Variants in ZC3H13 observed in about 807,000 individuals in gnomAD.
ZC3H13 encodes the protein zinc finger CCCH domain-containing protein 13.
Under a neutral mutation model 204.1 loss-of-function variants are expected in ZC3H13, and 64 were observed. The observed-to-expected ratio is 0.31, with a 90% CI of 0.26 to 0.39. The LOEUF (loss-of-function observed/expected upper bound fraction) is 0.39, where lower values mean the gene tolerates loss of function less well. Ranked by LOEUF, ZC3H13 falls within the 10% of genes least tolerant of loss-of-function variation. The pLI is 1.00. For missense variants in ZC3H13, 1,833 were observed against 2,082.7 expected (o/e 0.88, Z 2.33); for synonymous variants, 667 against 693.7 (o/e 0.96, Z 0.60).
intron 5 of ZC3H13, among the ~76,000 whole-genome samples, chr13:46,016,292 C>T (rs567358885): frequency 1.3e-4 from 20 of 152,122 alleles, no homozygotes; most frequent in African/African-American, 4.6e-4. Context: ...GTAATAGCAC[C>T]TTATTATGCA....
In ZC3H13 at chr13:46,052,435, C is replaced by G. The variant is rs1452647847; in HGVS notation, c.-41G>C. 5.0e-6 allele frequency: 2 copies of G among 397,938 alleles called. No individual in the cohort carries two copies. Among genetic ancestry groups the G allele is most frequent in the Non-Finnish European group, 8.8e-6 (2 of 226,092 alleles). 24.7% of individuals were successfully genotyped at this position (397,938 alleles called of 1,614,324 possible). A position where few individuals can be genotyped will look rare whatever the true frequency, so the allele number is the denominator to read the frequency against. On this transcript the variant is annotated 5_prime_UTR_variant, in exon 1 of 19. Transcript: ENST00000679008. ...CCCAAGCTCCCTTCGCAAGTGCAGTCCGGAGGCACCACCGCCGCCGCCGCT... is the reference window on the plus strand; with the variant it reads ...CCCAAGCTCCCTTCGCAAGTGCAGTGCGGAGGCACCACCGCCGCCGCCGCT...
rs952562535 is a variant in ZC3H13, at chr13:46,006,715, T to TATATATATCTC, written c.747-3380_747-3379insGAGATATATAT. On this transcript the variant is annotated intron_variant, in intron 7 of 18. Transcript: ENST00000679008. ...CTCAAGTCCCAAGAGTTCTTAGCCA[T>TATATATATCTC]ATATATATATGAGATAGTATCTACC... 4.6e-5 allele frequency among the ~76,000 whole-genome samples: 6 copies of TATATATATCTC among 130,902 alleles called. 2 individuals carry two copies. The highest frequency in any genetic ancestry group is 1.8e-4 in the African/African-American group (6 of 33,532). The allele number at this position is 130,902 out of a possible 152,430, so 85.9% of individuals were successfully genotyped here.
intron 11 of ZC3H13, among the ~76,000 whole-genome samples, chr13:45,976,781 G>A (rs1229833050): frequency 6.6e-6 from 1 of 152,144 alleles, no homozygotes; most frequent in Admixed American, 6.5e-5. Context: ...ATACTGTGAT[G>A]TTTCCATTTA....
chr13:46,009,184 A>G (rs2041368149), intron 7 of ZC3H13, among the ~76,000 whole-genome samples: 1 of 152,142 alleles, frequency 6.6e-6, no homozygotes. Context: ...TGAAGAATTG[A>G]GATAGAAGGG....
rs748916978 is a variant in ZC3H13 at position 45,965,406 on chromosome 13, C to G, written c.4348G>C (p.Asp1450His). 1.2e-6 allele frequency: 2 copies of G among 1,613,338 alleles called. No individual in the cohort carries two copies. The highest frequency in any genetic ancestry group is 1.7e-6 in the Non-Finnish European group (2 of 1,179,668). ...EAGDDESKLD[D>H]AHSLGSGAGE... ...GCACCAGAGCCTAATGAATGTGCAT[C>G]ATCTAACTTGGACTCGTCATCTCCT... Residue 1450 changes from aspartate (D) to histidine (H), a missense_variant, in exon 16 of 19, where the codon GAT (aspartate) becomes CAT (histidine). Asp to His is a moderately conservative substitution (Grantham distance 81, BLOSUM62 -1). Transcript: ENST00000679008.
At chr13:46,041,382 G>A (rs1053539103) in intron 4 of ZC3H13, among the ~76,000 whole-genome samples, 2 of 152,106 alleles carry the variant, frequency 1.3e-5, no homozygotes, top group African/African-American at 4.8e-5. Flanking sequence ...AATCTCTAGA[G>A]AGAGAAAGAG....
At chr13:45,968,493 C>G (rs1423832988) in intron 14 of ZC3H13, among the ~76,000 whole-genome samples, 1 of 151,620 alleles carries the variant, frequency 6.6e-6, no homozygotes, top group East Asian at 1.9e-4. Context: ...ACACATAAAC[C>G]CTTCCACCAA....
chr13:46,006,083 C>CTAA (rs147786821), intron 7 of ZC3H13, among the ~76,000 whole-genome samples: 4 of 146,236 alleles, frequency 2.7e-5, no homozygotes, highest in African/African-American at 2.5e-5. Context: ...GGACTCTGTC[C>CTAA]CAAAAAAAAA....
chr13:46,005,359 A>G (rs2041060862), intron 7 of ZC3H13, among the ~76,000 whole-genome samples: 1 of 152,164 alleles, frequency 6.6e-6, no homozygotes, highest in African/African-American at 2.4e-5. Flanking sequence ...CCTCCATGTT[A>G]GATGTCTCTG....
intron 3 of ZC3H13, among the ~76,000 whole-genome samples, chr13:46,043,215 T>C (rs569574705): frequency 6.6e-6 from 1 of 152,132 alleles, no homozygotes; most frequent in South Asian, 2.1e-4. Flanking sequence ...TATTCACATC[T>C]ATTTCAAGCA....
intron 10 of ZC3H13, among the ~76,000 whole-genome samples, chr13:45,984,397 A>G (rs1229599745): frequency 6.6e-6 from 1 of 152,218 alleles, no homozygotes; most frequent in Non-Finnish European, 1.5e-5. Flanking sequence ...ACAAAATGTA[A>G]AAGTACTATT....
At chr13:45,976,478 T>C (rs1953059220) in intron 11 of ZC3H13, among the ~76,000 whole-genome samples, 1 of 152,372 alleles carries the variant, frequency 6.6e-6, no homozygotes, top group East Asian at 1.9e-4. Flanking sequence ...ATATTAGTGA[T>C]ATATATTTGT....
intron 3 of ZC3H13, among the ~76,000 whole-genome samples, chr13:46,042,933 G>A (rs2043688702): frequency 6.6e-6 from 1 of 151,836 alleles, no homozygotes; most frequent in South Asian, 2.1e-4. Context: ...TTCATATTCT[G>A]CTGTAAATTT....
Position 45,975,542 on chromosome 13 carries a change from G to A in ZC3H13, c.2209C>T (p.Arg737Trp), listed in dbSNP as rs767757824. ...RDRDRDHDRE[R>W]ERERERDREK... ...CTGTCTCGTTCCCTCTCTCTTTCCC[G>A]CTCTCGATCGTGGTCTCGGTCTCTA... is the stretch of plus-strand genomic sequence containing the variant. Residue 737 changes from arginine to tryptophan, a missense_variant, in exon 12 of 19, where the codon CGG becomes TGG. This residue lies in a region of ZC3H13 where 1,574 missense variants were observed against 1,757.2 expected (regional missense o/e 0.90). Transcript: ENST00000679008. The A allele has an allele frequency of 8.8e-6, 14 of 1,590,356 alleles. No homozygotes were observed. Among genetic ancestry groups the A allele is most frequent in the Admixed American group, 3.6e-5 (2 of 55,762 alleles).
intron 10 of ZC3H13, among the ~76,000 whole-genome samples, chr13:45,981,126 G>A (rs1593521519): frequency 1.3e-5 from 2 of 152,156 alleles, no homozygotes; most frequent in Non-Finnish European, 2.9e-5. Flanking sequence ...TAGGAGTAGA[G>A]AAACAGTACT....
Position 45,969,936 on chromosome 13 carries a change from G to A in ZC3H13, c.2608C>T (p.Pro870Ser). The A allele has an allele frequency of 6.2e-7, 1 of 1,612,618 alleles. No homozygotes were observed. Among genetic ancestry groups the A allele is most frequent in the Non-Finnish European group, 8.5e-7 (1 of 1,179,836 alleles). The change falls in exon 14 of 19, where the codon CCT becomes TCT. Residue 870 changes from proline (P) to serine (S), a missense_variant. Around this residue, in one of 5 missense-constraint regions of ZC3H13, gnomAD observed 1,574 missense variants for 1,757.2 expected, o/e 0.90. Coordinates refer to ENST00000679008, the MANE Select transcript of ZC3H13 (RefSeq NM_001330564.2). ...GGACTAAGAGAACGAGATTCTTGAG[G>A]TCGTACAACTTGGCTCAAGAGTCTG... ...KHRLLSQVVR[P>S]QESRSLSPSH...
intron 16 of ZC3H13, among the ~76,000 whole-genome samples, chr13:45,964,362 G>C (rs902579788): frequency 7.2e-5 from 11 of 152,118 alleles, no homozygotes; most frequent in African/African-American, 2.7e-4. Flanking sequence ...TTTGAAACTT[G>C]GTACCAGAAT....
At chr13:46,045,848 T>TTTATA (rs2043915965) in intron 1 of ZC3H13, among the ~76,000 whole-genome samples, 1 of 152,206 alleles carries the variant, frequency 6.6e-6, no homozygotes, top group Admixed American at 6.5e-5. Flanking sequence ...AATGTTTACT[T>TTTATA]TATAAAAGTT....
chr13:46,008,282 C>T (rs2041292484), intron 7 of ZC3H13, among the ~76,000 whole-genome samples: 1 of 149,896 alleles, frequency 6.7e-6, no homozygotes, highest in South Asian at 2.1e-4. Context: ...TTACTTGACA[C>T]ACTCTAGGAA....
Sources: allele counts gnomAD v4.1 joint callset (sites outside exome capture counted in the v4.1 genomes callset), GRCh38; gene constraint gnomAD v4.1.1; regional missense constraint gnomAD v4.1.1; transcripts MANE v1.5; gene names NCBI Gene and HGNC (gene_info 2026-07-23, HGNC 2026-07-21).